Variants in EYS observed in about 807,000 individuals in gnomAD.
EYS encodes the protein protein eyes shut homolog.
In EYS, 250 loss-of-function variants were observed where a neutral mutation model predicts 282.1. The observed-to-expected ratio is 0.89, with a 90% CI of 0.80 to 0.98. The LOEUF (loss-of-function observed/expected upper bound fraction) is 0.98. Ranked by LOEUF, EYS falls within the 50% of genes least tolerant of loss-of-function variation. The probability of loss-of-function intolerance (pLI) is 0.00; values close to 1 mark genes in which losing one functional copy is unlikely to be tolerated. For synonymous variants in EYS, 1,355 were observed against 1,282.9 expected (o/e 1.06, Z -1.20); for missense variants, 4,016 against 3,709.0 (o/e 1.08, Z -2.15).
At chr6:64,615,130 T>C (rs1767233451) in intron 24 of EYS, among the ~76,000 whole-genome samples, 1 of 152,054 alleles carries the variant, frequency 6.6e-6, no homozygotes, top group Non-Finnish European at 1.5e-5. Flanking sequence ...TGTTTTCATG[T>C]TCACCTACAC....
In EYS at chr6:65,493,593, G is replaced by C. The variant is rs909158442; in HGVS notation, c.748+1070C>G. Among the ~76,000 whole-genome samples, 8 of 151,956 alleles carry C rather than the reference G, an allele frequency of 5.3e-5. No homozygotes were observed. In the East Asian group the frequency reaches 1.5e-3, roughly 29 times the overall value. The stretch of plus-strand genomic sequence containing the variant: ...GTCTTTCTCCTCACTTTCCTCCGAT[G>C]ACCCCAGAATCCTCTAGTATATTCT... On this transcript the variant is annotated intron_variant, in intron 4 of 42. Coordinates refer to ENST00000503581, the MANE Select transcript of EYS (RefSeq NM_001142800.2).
chr6:65,434,322 A>ATT (rs369477528), intron 5 of EYS, among the ~76,000 whole-genome samples: 26,907 of 144,532 alleles, frequency 0.19, 3,147 homozygotes, highest in Middle Eastern at 0.29. Context: ...GGTTTGCATA[A>ATT]TTTTTTTTTT....
At chr6:65,550,143 C>CTTTCTTTTTTTTTTTTTTTT (rs1562254227) in intron 2 of EYS, among the ~76,000 whole-genome samples, 1 of 5,954 alleles carries the variant, frequency 1.7e-4, no homozygotes, top group Non-Finnish European at 2.5e-4. Context: ...TCTACTATAT[C>CTTTCTTTTTTTTTTTTTTTT]TTTTTTTTTT....
At chr6:64,741,697 A>C (rs967271820) in intron 22 of EYS, among the ~76,000 whole-genome samples, 10 of 152,184 alleles carry the variant, frequency 6.6e-5, no homozygotes, top group African/African-American at 2.4e-4. Context: ...TTGTACTTTT[A>C]TGTTATGGAA....
intron 26 of EYS, among the ~76,000 whole-genome samples, chr6:64,482,459 G>A (rs1252710059): frequency 6.6e-6 from 1 of 151,524 alleles, no homozygotes; most frequent in South Asian, 2.1e-4. Flanking sequence ...TTTCAAATAT[G>A]GCTCTGCCAT....
chr6:65,412,895 C>T (rs1288206950), intron 5 of EYS, among the ~76,000 whole-genome samples: 1 of 152,050 alleles, frequency 6.6e-6, no homozygotes, highest in African/African-American at 2.4e-5. Context: ...AGAGCTCTTG[C>T]AGTGATCCAT....
intron 31 of EYS, among the ~76,000 whole-genome samples, chr6:64,209,202 CA>C (rs1194693902): frequency 6.6e-6 from 1 of 151,978 alleles, no homozygotes; most frequent in African/African-American, 2.4e-5. Flanking sequence ...ATTATAAATC[CA>C]AGTGATAGAT....
chr6:64,615,693 A>G (rs1162828083), intron 24 of EYS, among the ~76,000 whole-genome samples: 1 of 152,114 alleles, frequency 6.6e-6, no homozygotes, highest in Non-Finnish European at 1.5e-5. Flanking sequence ...GCATTAGCAA[A>G]AGTTGAATCT....
At chr6:63,927,485 T>C (rs1000679) in intron 35 of EYS, among the ~76,000 whole-genome samples, 48,768 of 152,134 alleles carry the variant, frequency 0.32, 7,945 homozygotes, top group Admixed American at 0.39. Context: ...TTTCTGCTGA[T>C]CTGGAAAAAA....
chr6:65,255,631 C>T (rs1767439962), intron 12 of EYS, among the ~76,000 whole-genome samples: 2 of 151,754 alleles, frequency 1.3e-5, no homozygotes, highest in Admixed American at 6.6e-5. Context: ...AATTAATATC[C>T]AGAATATATA....
chr6:64,292,597 G>A (rs1768753264), intron 30 of EYS, among the ~76,000 whole-genome samples: 1 of 152,008 alleles, frequency 6.6e-6, no homozygotes, highest in South Asian at 2.1e-4. Context: ...ATCGAGGATA[G>A]CTAATATATA....
At chr6:63,847,753 A>G (rs1472178667) in intron 36 of EYS, among the ~76,000 whole-genome samples, 1 of 152,204 alleles carries the variant, frequency 6.6e-6, no homozygotes, top group Non-Finnish European at 1.5e-5. Flanking sequence ...CAGTCTATTC[A>G]AGTTTAGTTG....
intron 29 of EYS, among the ~76,000 whole-genome samples, chr6:64,381,817 A>T (rs544112421): frequency 6.6e-6 from 1 of 152,310 alleles, no homozygotes; most frequent in East Asian, 1.9e-4. Flanking sequence ...GTTGCAATTT[A>T]CATACTTATC....
chr6:65,626,904 A>AC lies in EYS; in HGVS notation c.-333+12873_-333+12874insG, dbSNP rs1562296917. On this transcript the variant is annotated intron_variant, in intron 2 of 42. Transcript: ENST00000503581. ...GGAAATGGGCATATTATGTAAAAAA[A>AC]ACACACACACACACACACAAAAAAC... Among the ~76,000 whole-genome samples, 6 of 101,068 alleles carry AC rather than the reference A, an allele frequency of 5.9e-5. No homozygotes were observed. In the South Asian group the frequency reaches 8.9e-4, roughly 15 times the overall value. 66.3% of individuals were successfully genotyped at this position (101,068 alleles called of 152,430 possible).
chr6:63,984,465 C>T lies in EYS; in HGVS notation c.6973G>A (p.Ala2325Thr). The change falls in exon 35 of 43, where the codon GCA (alanine) becomes ACA (threonine). Residue 2325 changes from alanine to threonine, a missense_variant. Physicochemically the swap from Ala to Thr is moderately conservative, Grantham distance 58 (BLOSUM62 0). Coordinates refer to ENST00000503581, the MANE Select transcript of EYS (RefSeq NM_001142800.2). ...TTCTCAATATTCTTTCCATGTCGTGCTTCATCGATGATGAAGAATTCTTTG... is the reference window on the plus strand; with the variant it reads ...TTCTCAATATTCTTTCCATGTCGTGTTTCATCGATGATGAAGAATTCTTTG... ...NNKEFFIIDE[A>T]RHGKNIENCH... 1.9e-6 allele frequency: 3 copies of T among 1,549,750 alleles called. No individual in the cohort carries two copies. Among genetic ancestry groups the T allele is most frequent in the Non-Finnish European group, 2.6e-6 (3 of 1,145,618 alleles).
At chr6:64,360,874 AAT>A (rs1445811510) in intron 29 of EYS, among the ~76,000 whole-genome samples, 1 of 151,676 alleles carries the variant, frequency 6.6e-6, no homozygotes, top group Non-Finnish European at 1.5e-5. Flanking sequence ...TTTTCAGTGC[AAT>A]ATGTTAGCAT....
At chr6:63,971,370 A>G (rs1163783053) in intron 35 of EYS, among the ~76,000 whole-genome samples, 3 of 152,226 alleles carry the variant, frequency 2.0e-5, no homozygotes, top group Admixed American at 2.0e-4. Context: ...GATAGAGTAT[A>G]AAACAGGAAA....
rs754629386 is a variant in EYS at position 64,886,856 on chromosome 6, G to T, written c.2847-14C>A. 3.5e-4 allele frequency: 510 copies of T among 1,455,414 alleles called. 1 individual carries two copies. Among genetic ancestry groups the T allele is most frequent in the Non-Finnish European group, 4.5e-4 (488 of 1,080,214 alleles). 90.2% of individuals were successfully genotyped at this position (1,455,414 alleles called of 1,614,324 possible). On this transcript the variant is annotated splice_polypyrimidine_tract_variant and intron_variant, in intron 18 of 42. Coordinates refer to ENST00000503581, the MANE Select transcript of EYS (RefSeq NM_001142800.2). ...TTACAAAAAAATCTGGAGAAAAGTGGAGAAATGAGGAATAGCCATGTAACA... is the reference window on the plus strand; with the variant it reads ...TTACAAAAAAATCTGGAGAAAAGTGTAGAAATGAGGAATAGCCATGTAACA...
chr6:64,376,730 G>A (rs1772572346), intron 29 of EYS, among the ~76,000 whole-genome samples: 1 of 152,060 alleles, frequency 6.6e-6, no homozygotes, highest in African/African-American at 2.4e-5. Flanking sequence ...AGACTAATTG[G>A]TACAAAAGTA....
Sources: gnomAD v4.1 joint callset for allele counts (sites outside exome capture counted in the v4.1 genomes callset) on GRCh38, gnomAD v4.1.1 for gene constraint, MANE v1.5 for transcripts, NCBI Gene and HGNC (gene_info 2026-07-23, HGNC 2026-07-21) for gene names.